Variants in ROR1 observed in about 807,000 individuals in gnomAD.
ROR1 encodes ROR family WNT receptor 1, also known as inactive tyrosine-protein kinase transmembrane receptor ROR1.
Under a neutral mutation model 78.8 loss-of-function variants are expected in ROR1, and 19 were observed. The ratio of observed to expected loss-of-function variants is 0.24; its 90% CI spans 0.17 to 0.35. The LOEUF is 0.35. ROR1 is among the 10% of genes least tolerant of loss of function. ROR1 has a pLI of 1.00. For synonymous variants in ROR1, 386 were observed against 433.6 expected, an observed-to-expected ratio of 0.89 and a Z score of 1.36; for missense variants, 917 against 1,177.8, an observed-to-expected ratio of 0.78 and a Z score of 3.24.
In ROR1 at chr1:63,874,462, T is replaced by C. The variant is rs111943103; in HGVS notation, c.91+99954T>C. Among the ~76,000 whole-genome samples, 232 of 152,280 alleles carry C rather than the reference T, an allele frequency of 1.5e-3. 1 individual carries two copies. Among genetic ancestry groups the C allele is most frequent in the African/African-American group, 5.0e-3 (207 of 41,558 alleles). On this transcript the variant is annotated intron_variant, in intron 1 of 8. Transcript: ENST00000371079. The stretch of plus-strand genomic sequence containing the variant: ...GCATCTGCTTATTAGCAAGGTCTCA[T>C]AGATCACTTGTCCAACTTTCCACCG...
intron 4 of ROR1, among the ~76,000 whole-genome samples, chr1:64,077,487 C>A (rs1276867160): frequency 1.3e-5 from 2 of 152,242 alleles, no homozygotes; most frequent in African/African-American, 4.8e-5. Flanking sequence ...AAGAGAGAAG[C>A]AGGCACGTCC....
At chr1:64,046,537 A>T (rs571933625) in intron 2 of ROR1, among the ~76,000 whole-genome samples, 30 of 152,330 alleles carry the variant, frequency 2.0e-4, no homozygotes, top group African/African-American at 7.2e-4. Flanking sequence ...TATAGAGCAG[A>T]TCAGGTGAGG....
chr1:64,036,908 G>A (rs879196394), intron 2 of ROR1, among the ~76,000 whole-genome samples: 19 of 152,186 alleles, frequency 1.2e-4, no homozygotes, highest in Admixed American at 1.2e-3. Context: ...CACATGTCTG[G>A]TGTCTCGACT....
rs181387030 is a variant in ROR1 at position 64,091,598 on chromosome 1, G to T, written c.482+40882G>T. 6.6e-5 allele frequency among the ~76,000 whole-genome samples: 10 copies of T among 152,184 alleles called. 1 individual carries two copies. The highest frequency in any genetic ancestry group is 4.2e-4 in the South Asian group (2 of 4,816). On this transcript the variant is annotated intron_variant, in intron 4 of 8. Transcript: ENST00000371079. ...GCATGTGTCCCATTCTGAGCCATGGGAATACTTCTTCTCATGTCCTACCCT... is the reference window on the plus strand; with the variant it reads ...GCATGTGTCCCATTCTGAGCCATGGTAATACTTCTTCTCATGTCCTACCCT...
chr1:63,909,496 G>A (rs577858210), intron 1 of ROR1, among the ~76,000 whole-genome samples: 2 of 152,324 alleles, frequency 1.3e-5, no homozygotes, highest in East Asian at 1.9e-4. Flanking sequence ...AGAAGCCACA[G>A]TTGGGTTGTT....
chr1:63,948,851 T>C (rs567913339), intron 1 of ROR1, among the ~76,000 whole-genome samples: 1 of 152,216 alleles, frequency 6.6e-6, no homozygotes, highest in African/African-American at 2.4e-5. Context: ...ACTCTGAATC[T>C]GCCTCTGCTG....
intron 1 of ROR1, chr1:63,843,425 G>A (rs1362712850): frequency 2.7e-6 from 2 of 741,596 alleles, no homozygotes; most frequent in African/African-American, 1.7e-5. Context: ...TGGTCTCGTA[G>A]GTTGTGTCAC....
At chr1:63,976,007 T>A (rs1646157169) in intron 1 of ROR1, among the ~76,000 whole-genome samples, 2 of 152,174 alleles carry the variant, frequency 1.3e-5, no homozygotes, top group South Asian at 2.1e-4. Context: ...TTTGAAAAAA[T>A]GTATTTTATA....
chr1:63,929,896 A>T (rs1468618296), intron 1 of ROR1, among the ~76,000 whole-genome samples: 2 of 152,204 alleles, frequency 1.3e-5, no homozygotes, highest in Non-Finnish European at 2.9e-5. Context: ...AATCTGGCCC[A>T]GAACCTGGTC....
intron 1 of ROR1, chr1:63,843,199 G>T: frequency 1.4e-6 from 2 of 1,427,238 alleles, no homozygotes; most frequent in Non-Finnish European, 2.0e-6. Flanking sequence ...GCTCACAAAG[G>T]CTTGTCCTCT....
In ROR1 at chr1:63,941,147, G is replaced by T. The variant is rs144309109; in HGVS notation, c.92-68158G>T. Among the ~76,000 whole-genome samples, 8 of 152,208 alleles carry T rather than the reference G, an allele frequency of 5.3e-5. No individual in the cohort carries two copies. In the South Asian group the frequency reaches 8.3e-4, roughly 16 times the overall value. ...ACCCTGGACTGGGTTTTGTGCTGGA[G>T]GGTAGAAAAAACAAATGCTCTGAAG... On this transcript the variant is annotated intron_variant, in intron 1 of 8. Transcript: ENST00000371079.
At chr1:63,898,654 A>G (rs1645460270) in intron 1 of ROR1, among the ~76,000 whole-genome samples, 1 of 152,128 alleles carries the variant, frequency 6.6e-6, no homozygotes, top group Admixed American at 6.5e-5. Flanking sequence ...AGGGGGTGAA[A>G]GAGAAGTTGA....
intron 7 of ROR1, among the ~76,000 whole-genome samples, chr1:64,146,653 C>T (rs970881901): frequency 6.6e-6 from 1 of 152,070 alleles, no homozygotes; most frequent in South Asian, 2.1e-4. Context: ...GACTCAAGCT[C>T]TATTACGATT....
rs922206947 is a variant in ROR1, at chr1:64,178,618, C to T, written c.2577C>T (p.Ala859=). Residue 859 remains alanine, a synonymous_variant, in exon 9 of 9, where the codon GCC becomes GCT. Coordinates refer to ENST00000371079, the MANE Select transcript of ROR1 (RefSeq NM_005012.4). This position sits in a 1 kb window ranked among gnomAD's most constrained non-coding sequence, Gnocchi z 4.3. ...PPPKSRSPSS[A]SGSTSTGHVT... Reference sequence around the variant, plus strand: ...CCAAGAGTCGGTCCCCAAGCAGTGCCAGTGGGTCGACTAGCACTGGCCATG... The same window carrying T: ...CCAAGAGTCGGTCCCCAAGCAGTGCTAGTGGGTCGACTAGCACTGGCCATG... 7 of 1,614,028 alleles carry T rather than the reference C, an allele frequency of 4.3e-6. No individual in the cohort carries two copies. The African/African-American group carries it at 8.0e-5, about 18-fold the overall frequency.
At chr1:63,862,468 C>A (rs959162213) in intron 1 of ROR1, among the ~76,000 whole-genome samples, 2 of 151,754 alleles carry the variant, frequency 1.3e-5, no homozygotes, top group African/African-American at 4.8e-5. Context: ...GCTTACTTCA[C>A]CTTCTCTGTC....
At position 64,088,003 on chromosome 1, in the gene ROR1, G is replaced by A. The variant is rs189782907; in HGVS notation, c.482+37287G>A. 2.3e-4 allele frequency among the ~76,000 whole-genome samples: 35 copies of A among 152,216 alleles called. No homozygotes were observed. In the East Asian group the frequency reaches 6.0e-3, roughly 26 times the overall value. On this transcript the variant is annotated intron_variant, in intron 4 of 8. Coordinates refer to ENST00000371079, the MANE Select transcript of ROR1 (RefSeq NM_005012.4). ...GATGCAAGGCTCCTGCTTTCGTTGG[G>A]GATTGCTGGAAGAGTGACACACACC...
At chr1:63,801,669 T>C (rs1644798223) in intron 1 of ROR1, among the ~76,000 whole-genome samples, 1 of 152,206 alleles carries the variant, frequency 6.6e-6, no homozygotes, top group South Asian at 2.1e-4. Flanking sequence ...CCATTTATTC[T>C]GATAATAATG....
intron 7 of ROR1, among the ~76,000 whole-genome samples, chr1:64,158,285 C>T (rs1649833540): frequency 6.6e-6 from 1 of 152,198 alleles, no homozygotes; most frequent in Non-Finnish European, 1.5e-5. Context: ...TCAGATTATA[C>T]AGTGCTGCCA....
chr1:64,028,737 ACC>A (rs1379940211), intron 2 of ROR1, among the ~76,000 whole-genome samples: 1 of 152,200 alleles, frequency 6.6e-6, no homozygotes, highest in Non-Finnish European at 1.5e-5. Flanking sequence ...TAATAATCAT[ACC>A]ATGGAAAATT....
Sources: allele counts gnomAD v4.1 joint callset (sites outside exome capture counted in the v4.1 genomes callset), GRCh38; gene constraint gnomAD v4.1.1; non-coding constraint Gnocchi (gnomAD v3.1); transcripts MANE v1.5; gene names NCBI Gene and HGNC (gene_info 2026-07-23, HGNC 2026-07-21).